CEP83: variants seen among roughly 807,000 people sequenced by gnomAD.
CEP83 encodes the protein centrosomal protein of 83 kDa.
A neutral mutation model predicts 101.9 loss-of-function variants in CEP83; 70 were observed. The ratio of observed to expected loss-of-function variants is 0.69; its 90% CI spans 0.57 to 0.84. The LOEUF (loss-of-function observed/expected upper bound fraction) is 0.84, where lower values mean the gene tolerates loss of function less well. CEP83 is among the 40% of genes least tolerant of loss of function. CEP83 has a pLI of 0.00. For missense variants in CEP83, 715 were observed against 787.2 expected, an observed-to-expected ratio of 0.91 and a Z score of 1.10; for synonymous variants, 264 against 267.9, an observed-to-expected ratio of 0.99 and a Z score of 0.14.
the CEP83 span, among the ~76,000 whole-genome samples, chr12:94,273,508 C>T: frequency 6.6e-6 from 1 of 152,194 alleles, no homozygotes; most frequent in Admixed American, 6.5e-5. Context: ...GCTGCCTCCT[C>T]CATGCAGCCT....
intron 11 of CEP83, among the ~76,000 whole-genome samples, chr12:94,353,213 A>G (rs2136804080): frequency 6.6e-6 from 1 of 152,322 alleles, no homozygotes; most frequent in South Asian, 2.1e-4. Context: ...AGTGAAAGAA[A>G]AATAACTTCC....
At chr12:94,406,142 C>T (rs545645359) in intron 4 of CEP83, among the ~76,000 whole-genome samples, 1 of 152,184 alleles carries the variant, frequency 6.6e-6, no homozygotes, top group African/African-American at 2.4e-5. Context: ...CTACTCTGCT[C>T]CCACTTAAAT....
At chr12:94,378,556 A>G (rs931172190) in intron 7 of CEP83, among the ~76,000 whole-genome samples, 2 of 152,220 alleles carry the variant, frequency 1.3e-5, no homozygotes, top group Non-Finnish European at 1.5e-5. Flanking sequence ...AAGACATTTC[A>G]GATAGGTGAC....
intron 7 of CEP83, among the ~76,000 whole-genome samples, chr12:94,376,480 G>A (rs548652664): frequency 2.0e-4 from 30 of 152,002 alleles, no homozygotes; most frequent in African/African-American, 6.0e-4. Flanking sequence ...GGAAAGATAT[G>A]ATTTCAAAAT....
downstream of CEP83, chr12:94,306,518 A>C (rs1969035235): frequency 6.6e-6 from 1 of 152,150 alleles, no homozygotes. Flanking sequence ...TTTTAATACC[A>C]CTGTGTTTTC....
At chr12:94,421,495 G>C (rs1172363318) in intron 2 of CEP83, among the ~76,000 whole-genome samples, 3 of 152,100 alleles carry the variant, frequency 2.0e-5, no homozygotes, top group African/African-American at 7.2e-5. Flanking sequence ...CCTCATGGTT[G>C]TGAGGCTACC....
At chr12:94,361,858 G>A (rs2060779776) in intron 11 of CEP83, among the ~76,000 whole-genome samples, 1 of 151,890 alleles carries the variant, frequency 6.6e-6, no homozygotes, top group Non-Finnish European at 1.5e-5. Flanking sequence ...CACACTACCA[G>A]GCCCAGCTAA....
At chr12:94,423,621 T>G in intron 2 of CEP83, 1 of 1,545,540 alleles carries the variant, frequency 6.5e-7, no homozygotes, top group African/African-American at 1.4e-5. Flanking sequence ...GATGGCTAAG[T>G]GTTAGTCCTT....
intron 2 of CEP83, among the ~76,000 whole-genome samples, chr12:94,432,918 A>T (rs566575633): frequency 1.3e-5 from 2 of 152,352 alleles, no homozygotes; most frequent in African/African-American, 2.4e-5. Flanking sequence ...ATATTATAAC[A>T]TATTTACCAG....
At chr12:94,273,088 T>C in the CEP83 span, among the ~76,000 whole-genome samples, 3 of 152,232 alleles carry the variant, frequency 2.0e-5, no homozygotes, top group African/African-American at 7.2e-5. Flanking sequence ...TCCTCATCCA[T>C]TAAATGAGGC....
intron 14 of CEP83, 25 bp from the exon 15 acceptor site, chr12:94,313,042 A>T (rs1348146809): frequency 1.0e-6 from 1 of 993,906 alleles, no homozygotes; most frequent in Admixed American, 2.2e-5. Context: ...ATGAACAAGT[A>T]TGTTAATACA....
At chr12:94,323,358 G>C (rs934101342) in intron 14 of CEP83, among the ~76,000 whole-genome samples, 1 of 152,082 alleles carries the variant, frequency 6.6e-6, no homozygotes, top group Admixed American at 6.6e-5. Context: ...CTGGTGGAGT[G>C]GGCTCACAAG....
chr12:94,420,136 A>C (rs1356784252), intron 2 of CEP83, among the ~76,000 whole-genome samples: 1 of 152,178 alleles, frequency 6.6e-6, no homozygotes, highest in African/African-American at 2.4e-5. Context: ...AGAAAACCAA[A>C]AAGACTGACG....
chr12:94,293,615 C>CA, the CEP83 span, among the ~76,000 whole-genome samples: 1 of 152,150 alleles, frequency 6.6e-6, no homozygotes, highest in East Asian at 1.9e-4. Flanking sequence ...TCTGCTGTCT[C>CA]TTCCTTTTCC....
downstream of CEP83, among the ~76,000 whole-genome samples, chr12:94,302,250 T>TAAAA (rs1968541654): frequency 6.6e-6 from 1 of 152,222 alleles, no homozygotes; most frequent in South Asian, 2.1e-4. Flanking sequence ...ATACCCACTG[T>TAAAA]GCTACAGCTT....
chr12:94,367,670 G>T, intron 11 of CEP83, 124 bp downstream of exon 11: 2 of 512,542 alleles, frequency 3.9e-6, no homozygotes, highest in South Asian at 4.5e-5. Context: ...GGTTACATAG[G>T]TATTTGTATT....
intron 7 of CEP83, among the ~76,000 whole-genome samples, chr12:94,378,246 GT>G (rs2061655206): frequency 1.3e-5 from 2 of 152,200 alleles, no homozygotes; most frequent in African/African-American, 4.8e-5. Flanking sequence ...ACCCGTAGGA[GT>G]ACCAGTCAGG....
intron 6 of CEP83, among the ~76,000 whole-genome samples, chr12:94,383,275 C>T (rs1374927320): frequency 6.6e-6 from 1 of 151,952 alleles, no homozygotes; most frequent in Non-Finnish European, 1.5e-5. Context: ...CTTGGAGTTT[C>T]TTATAGACAT....
chr12:94,367,519 C>T (rs2061081925), intron 11 of CEP83, among the ~76,000 whole-genome samples: 1 of 152,064 alleles, frequency 6.6e-6, no homozygotes, highest in African/African-American at 2.4e-5. Flanking sequence ...ACATGTGATC[C>T]TGAATTGGGT....
Sources: gnomAD v4.1 joint callset for allele counts (sites outside exome capture counted in the v4.1 genomes callset) on GRCh38, gnomAD v4.1.1 for gene constraint, MANE v1.5 for transcripts, NCBI Gene and HGNC (gene_info 2026-07-23, HGNC 2026-07-21) for gene names.